FAF1: variants seen among roughly 807,000 people sequenced by gnomAD.
FAF1 encodes Fas associated factor 1.
Under a neutral mutation model 92.5 loss-of-function variants are expected in FAF1, and 25 were observed. The ratio of observed to expected loss-of-function variants is 0.27; its 90% CI spans 0.20 to 0.38. The LOEUF is 0.38. Ranked by LOEUF, FAF1 falls within the 10% of genes least tolerant of loss-of-function variation. FAF1 has a pLI of 1.00. For missense variants in FAF1, 636 were observed against 793.3 expected, an observed-to-expected ratio of 0.80 and a Z score of 2.38; for synonymous variants, 234 against 273.2, an observed-to-expected ratio of 0.86 and a Z score of 1.42.
At chr1:50,517,344 A>C (rs1647253864) in intron 15 of FAF1, among the ~76,000 whole-genome samples, 1 of 152,218 alleles carries the variant, frequency 6.6e-6, no homozygotes, top group African/African-American at 2.4e-5. Context: ...TCTTGGGCAA[A>C]TAACTCATAT....
chr1:50,551,941 A>G (rs1384650698), intron 13 of FAF1, among the ~76,000 whole-genome samples: 1 of 152,188 alleles, frequency 6.6e-6, no homozygotes, highest in African/African-American at 2.4e-5. Context: ...TTTAAAATCA[A>G]TCATCCCATT....
intron 1 of FAF1, among the ~76,000 whole-genome samples, chr1:50,936,675 A>G (rs1333515370): frequency 6.6e-6 from 1 of 152,170 alleles, no homozygotes; most frequent in Non-Finnish European, 1.5e-5. Flanking sequence ...TTTTGGACTT[A>G]GCAGCTTATA....
At chr1:50,657,575 C>G (rs985363313) in intron 7 of FAF1, among the ~76,000 whole-genome samples, 8 of 152,098 alleles carry the variant, frequency 5.3e-5, no homozygotes, top group Admixed American at 1.3e-4. Context: ...AAACAAAACC[C>G]AAAAACTTCA....
chr1:50,797,735 G>A (rs1009167676), intron 3 of FAF1, among the ~76,000 whole-genome samples: 3 of 152,106 alleles, frequency 2.0e-5, no homozygotes, highest in Non-Finnish European at 2.9e-5. Context: ...ACTGGGCAAG[G>A]TGTCACGTGC....
At chr1:50,911,616 G>T (rs1159295474) in intron 1 of FAF1, among the ~76,000 whole-genome samples, 1 of 151,996 alleles carries the variant, frequency 6.6e-6, no homozygotes, top group African/African-American at 2.4e-5. Context: ...AGAATGGCTT[G>T]AACCCAGCAG....
chr1:50,456,422 A>C (rs1478755250), intron 18 of FAF1, among the ~76,000 whole-genome samples: 2 of 152,134 alleles, frequency 1.3e-5, no homozygotes, highest in Non-Finnish European at 1.5e-5. Context: ...TGTTACTTCC[A>C]AGACCACCGT....
At chr1:50,691,192 A>T (rs1258078400) in intron 7 of FAF1, among the ~76,000 whole-genome samples, 1 of 152,146 alleles carries the variant, frequency 6.6e-6, no homozygotes. Flanking sequence ...TCCACCAGCA[A>T]TGCGTAATAG....
At chr1:50,924,393 A>G (rs1418493774) in intron 1 of FAF1, among the ~76,000 whole-genome samples, 1 of 152,226 alleles carries the variant, frequency 6.6e-6, no homozygotes, top group Non-Finnish European at 1.5e-5. Flanking sequence ...GAAAATTACA[A>G]AACACTAATA....
At chr1:50,736,869 ATTTTG>A (rs71985016) in intron 6 of FAF1, among the ~76,000 whole-genome samples, 3,041 of 152,240 alleles carry the variant, frequency 0.02, 99 homozygotes, top group African/African-American at 0.07. Context: ...TTCTGCATGG[ATTTTG>A]TTTTGTTTTT....
At chr1:50,814,293 G>C (rs911527160) in intron 2 of FAF1, among the ~76,000 whole-genome samples, 2 of 152,072 alleles carry the variant, frequency 1.3e-5, no homozygotes, top group African/African-American at 4.8e-5. Context: ...AGTATACATA[G>C]TAAGTATGCA....
intron 15 of FAF1, among the ~76,000 whole-genome samples, chr1:50,504,523 T>C (rs969256172): frequency 2.6e-5 from 4 of 151,932 alleles, no homozygotes; most frequent in African/African-American, 7.3e-5. Flanking sequence ...GAGTATCTAA[T>C]ATGCATCTAC....
At position 50,694,017 on chromosome 1, in the gene FAF1, T is replaced by C. The variant is rs188041085; in HGVS notation, c.657+11769A>G. Among the ~76,000 whole-genome samples, 13 of 152,040 alleles carry C rather than the reference T, an allele frequency of 8.6e-5. No homozygotes were observed. In the East Asian group the frequency reaches 2.3e-3, roughly 27 times the overall value. On this transcript the variant is annotated intron_variant, in intron 7 of 18. Coordinates refer to ENST00000396153, the MANE Select transcript of FAF1 (RefSeq NM_007051.3). Reference sequence around the variant, plus strand: ...TGTGTCATTATATATATACATGACATATATGACATATATATGACATATACA... The same window carrying C: ...TGTGTCATTATATATATACATGACACATATGACATATATATGACATATACA...
intron 7 of FAF1, among the ~76,000 whole-genome samples, chr1:50,696,355 C>A (rs983921646): frequency 2.0e-5 from 3 of 152,164 alleles, no homozygotes; most frequent in Non-Finnish European, 2.9e-5. Flanking sequence ...TGGGTGCCTA[C>A]AGTCATGTCA....
intron 7 of FAF1, among the ~76,000 whole-genome samples, chr1:50,692,678 T>A (rs1656992950): frequency 6.6e-6 from 1 of 152,248 alleles, no homozygotes; most frequent in African/African-American, 2.4e-5. Context: ...TCTATCCATG[T>A]ATTCACTGAT....
At chr1:50,443,433 A>G (rs1212500487) in intron 18 of FAF1, among the ~76,000 whole-genome samples, 1 of 152,236 alleles carries the variant, frequency 6.6e-6, no homozygotes, top group Non-Finnish European at 1.5e-5. Context: ...AACGCCTACT[A>G]TATGCCAGAC....
intron 17 of FAF1, among the ~76,000 whole-genome samples, chr1:50,479,879 A>T (rs1304972853): frequency 6.6e-6 from 1 of 152,198 alleles, no homozygotes; most frequent in Non-Finnish European, 1.5e-5. Context: ...TGAGATTTGA[A>T]TATCCAACAG....
rs1471050080 is a variant in FAF1 at position 50,630,826 on chromosome 1, A to ATTT, written c.744+24615_744+24616insAAA. Among the ~76,000 whole-genome samples the ATTT allele has an allele frequency of 4.4e-3, 546 of 125,140 alleles. 9 individuals carry two copies. The highest frequency in any genetic ancestry group is 8.7e-3 in the African/African-American group (274 of 31,628). 82.1% of individuals were successfully genotyped at this position (125,140 alleles called of 152,430 possible). A position where few individuals can be genotyped will look rare whatever the true frequency, so the allele number is the denominator to read the frequency against. ...CCAGTTTACATATCTAGTGTATCATATCTTTTTTTTTTTTTTTTTTTTTTG... is the reference window on the plus strand; with the variant it reads ...CCAGTTTACATATCTAGTGTATCATATTTTCTTTTTTTTTTTTTTTTTTTTTTG... On this transcript the variant is annotated intron_variant, in intron 8 of 18. Coordinates refer to ENST00000396153, the MANE Select transcript of FAF1 (RefSeq NM_007051.3).
At chr1:50,858,357 T>G (rs1010959699) in intron 1 of FAF1, among the ~76,000 whole-genome samples, 3 of 151,816 alleles carry the variant, frequency 2.0e-5, no homozygotes, top group Non-Finnish European at 4.4e-5. Context: ...CCATGCACTT[T>G]ATATAAAAAC....
At chr1:50,921,526 TCAACAAGC>T (rs1254817022) in intron 1 of FAF1, among the ~76,000 whole-genome samples, 1 of 151,622 alleles carries the variant, frequency 6.6e-6, no homozygotes, top group Non-Finnish European at 1.5e-5. Flanking sequence ...CTTTGTGAAG[TCAACAAGC>T]GCAGATCATT....
Sources: allele counts gnomAD v4.1 joint callset (sites outside exome capture counted in the v4.1 genomes callset), GRCh38; gene constraint gnomAD v4.1.1; transcripts MANE v1.5; gene names NCBI Gene and HGNC (gene_info 2026-07-23, HGNC 2026-07-21).